Variants in MSRA observed in about 807,000 individuals in gnomAD.
MSRA encodes the protein mitochondrial peptide methionine sulfoxide reductase.
In MSRA, 54 loss-of-function variants were observed where a neutral mutation model predicts 31.3. That is an observed-to-expected ratio of 1.73 (90% CI 1.39 to 2.17). The LOEUF is 2.17. Among genes scored for constraint, MSRA ranks in the 30% most tolerant of loss-of-function variants. The probability of loss-of-function intolerance (pLI) is 0.00; values close to 1 mark genes in which losing one functional copy is unlikely to be tolerated. For missense variants in MSRA, 507 were observed against 300.9 expected (o/e 1.69, Z -5.07); for synonymous variants, 169 against 116.5 (o/e 1.45, Z -2.90).
intron 5 of MSRA, among the ~76,000 whole-genome samples, chr8:10,369,219 G>A (rs1805339964): frequency 6.6e-6 from 1 of 151,040 alleles, no homozygotes; most frequent in Non-Finnish European, 1.5e-5. Flanking sequence ...TTTAAATACT[G>A]TTGAATTATG....
chr8:10,333,812 C>A (rs570751449), intron 5 of MSRA, among the ~76,000 whole-genome samples: 6 of 152,042 alleles, frequency 3.9e-5, no homozygotes, highest in Admixed American at 2.0e-4. Flanking sequence ...CCACCCCACC[C>A]CCCCCACGCT....
chr8:10,115,173 T>C (rs1457306258), intron 1 of MSRA, among the ~76,000 whole-genome samples: 1 of 152,206 alleles, frequency 6.6e-6, no homozygotes, highest in East Asian at 1.9e-4. Flanking sequence ...ATGTCAAAAA[T>C]GTAAAGTTAT....
chr8:10,331,335 C>T (rs140738546), intron 5 of MSRA, among the ~76,000 whole-genome samples: 4 of 152,322 alleles, frequency 2.6e-5, no homozygotes, highest in Admixed American at 6.5e-5. Flanking sequence ...CTGTAGTGAC[C>T]GTGACCTTGG....
intron 1 of MSRA, among the ~76,000 whole-genome samples, chr8:10,204,088 CAGGA>C (rs1304184470): frequency 1.3e-5 from 2 of 151,686 alleles, no homozygotes; most frequent in African/African-American, 4.8e-5. Flanking sequence ...ATTTTAAAAA[CAGGA>C]AGAGCTTATA....
intron 1 of MSRA, among the ~76,000 whole-genome samples, chr8:10,070,300 C>T (rs1797666000): frequency 6.6e-6 from 1 of 152,198 alleles, no homozygotes; most frequent in Admixed American, 6.5e-5. Flanking sequence ...AGTCAATTTG[C>T]ATCTGGAGTC....
chr8:10,279,446 C>T (rs1407696443), intron 3 of MSRA, among the ~76,000 whole-genome samples: 1 of 152,162 alleles, frequency 6.6e-6, no homozygotes, highest in Non-Finnish European at 1.5e-5. Flanking sequence ...CCTTTGGCAT[C>T]TCATCTTTGG....
At chr8:10,337,703 C>T (rs576737877) in intron 5 of MSRA, 58 of 702,574 alleles carry the variant, frequency 8.3e-5, no homozygotes, top group African/African-American at 2.6e-4. Flanking sequence ...CCTCCTCTCT[C>T]GGCAGCTGGT....
At chr8:10,108,409 TAGA>T (rs1800041691) in intron 1 of MSRA, among the ~76,000 whole-genome samples, 1 of 152,210 alleles carries the variant, frequency 6.6e-6, no homozygotes, top group Admixed American at 6.5e-5. Context: ...GACTTGCACC[TAGA>T]AGGAGGAGCC....
chr8:10,139,334 T>C (rs1232515049), intron 1 of MSRA, among the ~76,000 whole-genome samples: 6 of 152,234 alleles, frequency 3.9e-5, no homozygotes, highest in Non-Finnish European at 1.5e-5. Context: ...GTTTTAAAAA[T>C]AGCATGTTTT....
intron 1 of MSRA, among the ~76,000 whole-genome samples, chr8:10,109,239 C>G (rs1359877043): frequency 2.0e-5 from 3 of 152,136 alleles, no homozygotes; most frequent in South Asian, 2.1e-4. Context: ...TGTTTTAACC[C>G]TTTTTTACCT....
chr8:10,057,103 C>A (rs958284695), intron 1 of MSRA, among the ~76,000 whole-genome samples: 1 of 152,182 alleles, frequency 6.6e-6, no homozygotes, highest in Admixed American at 6.5e-5. Flanking sequence ...CAAAGTTTTT[C>A]AGTGTTTAAT....
chr8:10,313,922 C>CT (rs959728337), intron 4 of MSRA, among the ~76,000 whole-genome samples: 1 of 152,132 alleles, frequency 6.6e-6, no homozygotes, highest in Non-Finnish European at 1.5e-5. Context: ...GAAATAATGG[C>CT]TTCTTAATCA....
chr8:10,184,091 G>A (rs181248181), intron 1 of MSRA, among the ~76,000 whole-genome samples: 3 of 151,874 alleles, frequency 2.0e-5, no homozygotes, highest in African/African-American at 7.3e-5. Flanking sequence ...GTTATTGTGA[G>A]TGGTAGTGTT....
intron 2 of MSRA, among the ~76,000 whole-genome samples, chr8:10,226,657 T>A (rs1365775828): frequency 6.6e-6 from 1 of 152,252 alleles, no homozygotes; most frequent in East Asian, 1.9e-4. Flanking sequence ...AAAGGATGCC[T>A]CTTCGGCAAA....
intron 1 of MSRA, among the ~76,000 whole-genome samples, chr8:10,168,943 A>G (rs1805370650): frequency 6.6e-6 from 1 of 152,026 alleles, no homozygotes; most frequent in Middle Eastern, 3.4e-3. Flanking sequence ...TACTCATGAT[A>G]TAAAGATTGA....
chr8:10,334,356 C>T (rs1032424844), intron 5 of MSRA, among the ~76,000 whole-genome samples: 2 of 152,038 alleles, frequency 1.3e-5, no homozygotes, highest in African/African-American at 4.8e-5. Context: ...GTTGTTCTGG[C>T]AGGTAGATGG....
At chr8:10,235,630 A>C (rs1385816375) in intron 2 of MSRA, among the ~76,000 whole-genome samples, 1 of 152,142 alleles carries the variant, frequency 6.6e-6, no homozygotes, top group Non-Finnish European at 1.5e-5. Flanking sequence ...CTAAAAAGAG[A>C]GATATAAAAA....
In MSRA at chr8:10,315,037, C is replaced by T. The variant is rs138902626; in HGVS notation, c.437-4846C>T. 1.5e-4 allele frequency among the ~76,000 whole-genome samples: 23 copies of T among 152,268 alleles called. No individual in the cohort carries two copies. In the East Asian group the frequency reaches 4.3e-3, roughly 28 times the overall value. ...ACCAAAGGCGAAGGAGGAGCAAAGGCACATCTTATTACATGGCAGCAGGCA... is the reference window on the plus strand; with the variant it reads ...ACCAAAGGCGAAGGAGGAGCAAAGGTACATCTTATTACATGGCAGCAGGCA... On this transcript the variant is annotated intron_variant, in intron 4 of 5. Coordinates refer to ENST00000317173, the MANE Select transcript of MSRA (RefSeq NM_012331.5).
At chr8:10,227,305 G>C (rs1811081914) in intron 2 of MSRA, among the ~76,000 whole-genome samples, 1 of 152,184 alleles carries the variant, frequency 6.6e-6, no homozygotes, top group South Asian at 2.1e-4. Flanking sequence ...GAGAGAATTA[G>C]AGTGAAGGAA....
Sources: gnomAD v4.1 joint callset for allele counts (sites outside exome capture counted in the v4.1 genomes callset) on GRCh38, gnomAD v4.1.1 for gene constraint, MANE v1.5 for transcripts, NCBI Gene and HGNC (gene_info 2026-07-23, HGNC 2026-07-21) for gene names.